Variants in ZFR2 observed in about 807,000 individuals in gnomAD.
ZFR2 encodes zinc finger RNA-binding protein 2.
ZFR2 carries 104 observed loss-of-function variants against 105.7 expected under a neutral mutation model. That is an observed-to-expected ratio of 0.98 (90% CI 0.84 to 1.16). The LOEUF (loss-of-function observed/expected upper bound fraction) is 1.16. ZFR2 is among the 50% of genes most tolerant of loss of function. The pLI, the probability that ZFR2 is intolerant of heterozygous loss-of-function variation, is 0.00. For synonymous variants in ZFR2, 634 were observed against 597.7 expected, an observed-to-expected ratio of 1.06 and a Z score of -0.89; for missense variants, 1,425 against 1,355.5, an observed-to-expected ratio of 1.05 and a Z score of -0.80.
At chr19:3,812,189 C>T (rs984876341) in intron 14 of ZFR2, among the ~76,000 whole-genome samples, 7 of 152,156 alleles carry the variant, frequency 4.6e-5, no homozygotes, top group African/African-American at 9.7e-5. Flanking sequence ...GGTGATCCGC[C>T]GGCCTTGGCC....
chr19:3,823,655 T>G lies in ZFR2; in HGVS notation c.1214-252A>C, dbSNP rs1384880235. Among the ~76,000 whole-genome samples the G allele has an allele frequency of 6.6e-6, 1 of 152,128 alleles. No homozygotes were observed. Among genetic ancestry groups the G allele is most frequent in the Non-Finnish European group, 1.5e-5 (1 of 68,020 alleles). On this transcript the variant is annotated intron_variant, in intron 7 of 18. Transcript: ENST00000262961. This position sits in a 1 kb window ranked among gnomAD's most constrained non-coding sequence, Gnocchi z 5.4. ...AGAAGCCCTGGTTTTAGGCCCTCGCTTGAGGAACCCACCGACAGCACAAAA... is the reference window on the plus strand; with the variant it reads ...AGAAGCCCTGGTTTTAGGCCCTCGCGTGAGGAACCCACCGACAGCACAAAA...
At chr19:3,809,384 C>A (rs1356495162) in intron 16 of ZFR2, among the ~76,000 whole-genome samples, 1 of 152,166 alleles carries the variant, frequency 6.6e-6, no homozygotes. Context: ...GGTGCACTGT[C>A]CACCACGTGG....
chr19:3,821,943 G>T, intron 9 of ZFR2, 138 bp downstream of exon 9: 1 of 1,341,062 alleles, frequency 7.5e-7, no homozygotes, highest in South Asian at 1.5e-5. Flanking sequence ...CCAAGACGTT[G>T]AAAACCCAGA....
chr19:3,840,837 A>G (rs1322293788), intron 1 of ZFR2, among the ~76,000 whole-genome samples: 1 of 152,182 alleles, frequency 6.6e-6, no homozygotes, highest in African/African-American at 2.4e-5. Context: ...CACTTAAAAT[A>G]TGGCTTGTGC....
Position 3,816,990 on chromosome 19 carries a change from G to A in ZFR2, c.1932-145C>T, listed in dbSNP as rs1412208694. ...CTCATCCATGAAATGGGACCAGGCCGCTCTGTCGGAGGCGCTTGCGGGATG... is the reference window on the plus strand; with the variant it reads ...CTCATCCATGAAATGGGACCAGGCCACTCTGTCGGAGGCGCTTGCGGGATG... On this transcript the variant is annotated intron_variant, in intron 12 of 18. Coordinates refer to ENST00000262961, the MANE Select transcript of ZFR2 (RefSeq NM_015174.2). 6 of 747,944 alleles carry A rather than the reference G, an allele frequency of 8.0e-6. No individual in the cohort carries two copies. The African/African-American group carries it at 8.9e-5, about 11-fold the overall frequency. 46.3% of individuals were successfully genotyped at this position (747,944 alleles called of 1,614,324 possible). A position where few individuals can be genotyped will look rare whatever the true frequency, so the allele number is the denominator to read the frequency against.
At chr19:3,807,335 C>A in intron 17 of ZFR2, 66 bp from the exon 18 acceptor site, 1 of 1,259,886 alleles carries the variant, frequency 7.9e-7, no homozygotes, top group Non-Finnish European at 1.1e-6. Flanking sequence ...GGTGACAGGG[C>A]CGTCCCTCGA....
chr19:3,829,468 G>A (rs6510772), intron 5 of ZFR2, among the ~76,000 whole-genome samples: 31,390 of 151,964 alleles, frequency 0.21, 3,425 homozygotes, highest in South Asian at 0.37. Flanking sequence ...GTGTGTGTGT[G>A]TGTGTGTGTG....
chr19:3,864,375 C>CACAA (rs58613356), intron 1 of ZFR2, among the ~76,000 whole-genome samples: 7,153 of 151,392 alleles, frequency 0.047, 197 homozygotes, highest in Non-Finnish European at 0.054. Flanking sequence ...GATCCTGTCT[C>CACAA]ACAAACAAAC....
chr19:3,825,434 C>T (rs758244733), intron 6 of ZFR2, 27 bp from the exon 7 acceptor site: 11 of 1,545,036 alleles, frequency 7.1e-6, no homozygotes, highest in Admixed American at 4.2e-5. Context: ...CGGGCTCCCG[C>T]GTGAGGGCCG....
chr19:3,859,606 A>G (rs2038349493), intron 1 of ZFR2, among the ~76,000 whole-genome samples: 2 of 152,256 alleles, frequency 1.3e-5, no homozygotes, highest in Non-Finnish European at 2.9e-5. Context: ...GACTGCGTGC[A>G]GCGTGAGCCA....
chr19:3,849,014 A>G (rs1348601847), intron 1 of ZFR2, among the ~76,000 whole-genome samples: 1 of 152,188 alleles, frequency 6.6e-6, no homozygotes, highest in Non-Finnish European at 1.5e-5. Flanking sequence ...AAAACAAAAC[A>G]AAACAAAAAC....
chr19:3,820,119 G>A (rs1473916617), intron 11 of ZFR2, 63 bp downstream of exon 11: 4 of 1,495,736 alleles, frequency 2.7e-6, no homozygotes, highest in African/African-American at 1.4e-5. Flanking sequence ...TCCCGAGGAG[G>A]TGTCCGCTGC....
In ZFR2 at chr19:3,854,523, C is replaced by T. The variant is rs76053071; in HGVS notation, c.53+14442G>A. On this transcript the variant is annotated intron_variant, in intron 1 of 18. Transcript: ENST00000262961. ...AGCGATCATGTGAACACATCATCTC[C>T]GGACCAAAACCAAAAGTCGATTATT... Among the ~76,000 whole-genome samples the T allele has an allele frequency of 5.7e-3, 862 of 152,272 alleles. 12 individuals are homozygous for T. Among genetic ancestry groups the T allele is most frequent in the African/African-American group, 0.02 (817 of 41,560 alleles).
rs2037696542 is a variant in ZFR2 at position 3,806,324 on chromosome 19, G to A, written c.2644-199C>T. ...GTCACCCAGGCTGGAGTGCAGTGGC[G>A]CGATCTCAGCTCATTGCAACCACCG... On this transcript the variant is annotated intron_variant, in intron 18 of 18. Coordinates refer to ENST00000262961, the MANE Select transcript of ZFR2 (RefSeq NM_015174.2). 2.6e-5 allele frequency among the ~76,000 whole-genome samples: 4 copies of A among 152,160 alleles called. No individual in the cohort carries two copies. The South Asian group carries it at 8.3e-4, about 31-fold the overall frequency.
chr19:3,832,293 G>T (rs2038025665), intron 3 of ZFR2, among the ~76,000 whole-genome samples: 1 of 151,990 alleles, frequency 6.6e-6, no homozygotes, highest in Non-Finnish European at 1.5e-5. Flanking sequence ...AGGCTCACCT[G>T]CAAATCTAGG....
Position 3,811,266 on chromosome 19 carries a change from C to G in ZFR2, c.2337+6G>C, listed in dbSNP as rs752748310. On this transcript the variant is annotated splice_donor_region_variant and intron_variant, in intron 15 of 18. Coordinates refer to ENST00000262961, the MANE Select transcript of ZFR2 (RefSeq NM_015174.2). The stretch of plus-strand genomic sequence containing the variant: ...TCTCCCCCTGCTCCACCCCTGCCCC[C>G]CTGACCTGAAACCACCTGGCATGAC... 2.5e-6 allele frequency: 4 copies of G among 1,579,452 alleles called. No individual in the cohort carries two copies. The highest frequency in any genetic ancestry group is 3.4e-6 in the Non-Finnish European group (4 of 1,164,148).
chr19:3,852,474 A>T, intron 1 of ZFR2: 1 of 718,530 alleles, frequency 1.4e-6, no homozygotes, highest in Non-Finnish European at 2.6e-6. Flanking sequence ...AGGGTCCCAT[A>T]AGATGGAGCA....
rs2038104943 is a variant in ZFR2 at position 3,838,728 on chromosome 19, C to T, written c.54-3745G>A. ...CACCCTGGGACGAGCCCTCCTGGAG[C>T]CCCTGTGGCCTGATGCTGATCAGCC... On this transcript the variant is annotated intron_variant, in intron 1 of 18. Coordinates refer to ENST00000262961, the MANE Select transcript of ZFR2 (RefSeq NM_015174.2). This position sits in a 1 kb window ranked among gnomAD's most constrained non-coding sequence, Gnocchi z 4.9. Among the ~76,000 whole-genome samples the T allele has an allele frequency of 6.6e-6, 1 of 152,134 alleles. No homozygotes were observed. The highest frequency in any genetic ancestry group is 1.5e-5 in the Non-Finnish European group (1 of 68,018).
intron 7 of ZFR2, among the ~76,000 whole-genome samples, chr19:3,824,407 G>A (rs918070239): frequency 2.0e-5 from 3 of 152,198 alleles, no homozygotes; most frequent in Non-Finnish European, 2.9e-5. Flanking sequence ...TAGTTAACGC[G>A]GGTCAGCTCT....
Sources: gnomAD v4.1 joint callset for allele counts (sites outside exome capture counted in the v4.1 genomes callset) on GRCh38, gnomAD v4.1.1 for gene constraint, Gnocchi (gnomAD v3.1) non-coding constraint, MANE v1.5 for transcripts, NCBI Gene and HGNC (gene_info 2026-07-23, HGNC 2026-07-21) for gene names.